ACADSB: variants seen among roughly 807,000 people sequenced by gnomAD.
The protein encoded by ACADSB is acyl-CoA dehydrogenase short/branched chain, also known as short/branched chain specific acyl-CoA dehydrogenase, mitochondrial.
A neutral mutation model predicts 54.1 loss-of-function variants in ACADSB; 40 were observed. The observed-to-expected ratio is 0.74, with a 90% CI of 0.57 to 0.96. The LOEUF is 0.96. ACADSB is among the 40% of genes least tolerant of loss of function. The pLI, the probability that ACADSB is intolerant of heterozygous loss-of-function variation, is 0.00. For synonymous variants in ACADSB, 182 were observed against 182.8 expected (o/e 1.00, Z 0.03); for missense variants, 530 against 510.4 (o/e 1.04, Z -0.37).
intron 5 of ACADSB, among the ~76,000 whole-genome samples, chr10:123,042,027 G>A (rs1850482303): frequency 6.8e-6 from 1 of 146,126 alleles, no homozygotes; most frequent in Non-Finnish European, 1.5e-5. Flanking sequence ...GTGCAGTGGT[G>A]TGATCTCACC....
chr10:123,020,612 C>G (rs1850171937), intron 1 of ACADSB, among the ~76,000 whole-genome samples: 1 of 152,190 alleles, frequency 6.6e-6, no homozygotes, highest in East Asian at 1.9e-4. Flanking sequence ...AAGAGTACAA[C>G]TGCTGGGTCA....
chr10:123,029,360 G>GA (rs545734756), intron 1 of ACADSB, among the ~76,000 whole-genome samples: 204 of 134,450 alleles, frequency 1.5e-3, no homozygotes, highest in East Asian at 3.4e-3. Flanking sequence ...AAAAAGAGAA[G>GA]AAAAAAAAAA....
chr10:123,029,027 G>T (rs1850290319), intron 1 of ACADSB, among the ~76,000 whole-genome samples: 1 of 151,938 alleles, frequency 6.6e-6, no homozygotes, highest in Non-Finnish European at 1.5e-5. Context: ...TTAGTCAAGT[G>T]AAGCAATATT....
intron 1 of ACADSB, among the ~76,000 whole-genome samples, chr10:123,020,820 T>A (rs1564746958): frequency 6.6e-6 from 1 of 152,330 alleles, no homozygotes; most frequent in East Asian, 1.9e-4. Context: ...CTGACCAACA[T>A]GGTGAAACCC....
rs896962143 is a variant in ACADSB at position 123,027,453 on chromosome 10, A to G, written c.43-6903A>G. On this transcript the variant is annotated intron_variant, in intron 1 of 10. Coordinates refer to ENST00000358776, the MANE Select transcript of ACADSB (RefSeq NM_001609.4). ...CAGTATTTCCCGTGCTATTCTTGTG[A>G]TAATGAATAAGTCTCATGAGATCTG... 1.6e-5 allele frequency: 7 copies of G among 438,690 alleles called. No homozygotes were observed. In the East Asian group the frequency reaches 5.1e-4, roughly 32 times the overall value. 27.2% of individuals were successfully genotyped at this position (438,690 alleles called of 1,614,324 possible).
intron 2 of ACADSB, among the ~76,000 whole-genome samples, chr10:123,036,414 G>A (rs1403618376): frequency 1.3e-5 from 2 of 152,178 alleles, no homozygotes; most frequent in Non-Finnish European, 1.5e-5. Flanking sequence ...TTGCTCCCTC[G>A]CCTTTTAGAT....
Position 123,009,086 on chromosome 10 carries a change from G to A in ACADSB, c.42+15G>A. ...GCAGCAGGCTGGTGAGTGCGTTCGAGGCTGGCGTCCTGGGGGCCCAGGGCG... is the reference window on the plus strand; with the variant it reads ...GCAGCAGGCTGGTGAGTGCGTTCGAAGCTGGCGTCCTGGGGGCCCAGGGCG... On this transcript the variant is annotated intron_variant, in intron 1 of 10. Transcript: ENST00000358776. 1 of 1,544,994 alleles carries A rather than the reference G, an allele frequency of 6.5e-7. No homozygotes were observed. Among genetic ancestry groups the A allele is most frequent in the African/African-American group, 1.4e-5 (1 of 73,152 alleles).
intron 1 of ACADSB, among the ~76,000 whole-genome samples, chr10:123,018,584 A>G (rs9423313): frequency 0.57 from 86,856 of 151,906 alleles, 26,326 homozygotes; most frequent in Non-Finnish European, 0.69. Flanking sequence ...TTGGGGATAT[A>G]AAATTGGGAT....
At position 123,053,695 on chromosome 10, in the gene ACADSB, G is replaced by A. The variant is rs918891237; in HGVS notation, c.1229G>A (p.Gly410Asp). ...TTCCTTCTGCTTCCTTTTGCTTAAG[G>A]TACGATATATGAAGGAGCTTCCAAC... The part of the protein sequence containing the change: ...VEKYFRDAKI[G>D]TIYEGASNIQ... Residue 410 changes from glycine to aspartate, a missense_variant and splice_region_variant, in exon 11 of 11, where the codon GGT (glycine) becomes GAT (aspartate). Gly to Asp is a moderately conservative substitution (Grantham distance 94). Coordinates refer to ENST00000358776, the MANE Select transcript of ACADSB (RefSeq NM_001609.4). 4.3e-6 allele frequency: 7 copies of A among 1,613,256 alleles called. No homozygotes were observed. Among genetic ancestry groups the A allele is most frequent in the Non-Finnish European group, 5.9e-6 (7 of 1,179,222 alleles).
intron 1 of ACADSB, among the ~76,000 whole-genome samples, chr10:123,020,502 T>G (rs1850170068): frequency 1.3e-5 from 2 of 152,260 alleles, no homozygotes; most frequent in Admixed American, 1.3e-4. Flanking sequence ...GAAGGACATC[T>G]GGATTGTTTC....
In ACADSB at chr10:123,056,271, C is replaced by T. The variant is rs935669282; in HGVS notation, c.*2506C>T. The T allele has an allele frequency of 3.0e-4, 65 of 219,498 alleles. 1 individual carries two copies. Among genetic ancestry groups the T allele is most frequent in the Admixed American group, 1.6e-4 (3 of 18,318 alleles). 13.6% of individuals were successfully genotyped at this position (219,498 alleles called of 1,614,324 possible). Reference sequence around the variant, plus strand: ...AATTGGACTTACAGTTCCACATGGCCGGGGAGGCCTCAGAATCATGGCGGG... The same window carrying T: ...AATTGGACTTACAGTTCCACATGGCTGGGGAGGCCTCAGAATCATGGCGGG... On this transcript the variant is annotated 3_prime_UTR_variant, in exon 11 of 11. Transcript: ENST00000358776.
intron 1 of ACADSB, among the ~76,000 whole-genome samples, chr10:123,033,329 C>A (rs1332497562): frequency 6.6e-6 from 1 of 152,202 alleles, no homozygotes; most frequent in African/African-American, 2.4e-5. Context: ...GACCAACATG[C>A]AGCAAAGATT....
intron 5 of ACADSB, among the ~76,000 whole-genome samples, chr10:123,041,589 C>G (rs1850474811): frequency 6.6e-6 from 1 of 151,978 alleles, no homozygotes; most frequent in Non-Finnish European, 1.5e-5. Flanking sequence ...AGAATTGGCC[C>G]ACCATATCTG....
intron 1 of ACADSB, among the ~76,000 whole-genome samples, chr10:123,030,487 A>G (rs1259088987): frequency 6.8e-6 from 1 of 147,480 alleles, no homozygotes; most frequent in Non-Finnish European, 1.5e-5. Context: ...AGATCGTACC[A>G]TTGCACTCCA....
Position 123,047,265 on chromosome 10 carries a change from G to T in ACADSB, c.957G>T (p.Arg319Ser). The T allele has an allele frequency of 1.2e-6, 2 of 1,608,470 alleles. No individual in the cohort carries two copies. Among genetic ancestry groups the T allele is most frequent in the South Asian group, 2.2e-5 (2 of 90,988 alleles). ...FDYTIPYIKE[R>S]IQFGKRLFDF... ...ACACTATTCCATATATTAAAGAAAG[G>T]ATACAATTTGGCAAAAGACTATTTG... The change falls in exon 8 of 11, where the codon AGG (arginine) becomes AGT (serine). Residue 319 changes from arginine (R) to serine (S), a missense_variant. Coordinates refer to ENST00000358776, the MANE Select transcript of ACADSB (RefSeq NM_001609.4).
At chr10:123,035,577 G>T (rs888196282) in intron 2 of ACADSB, among the ~76,000 whole-genome samples, 1 of 152,194 alleles carries the variant, frequency 6.6e-6, no homozygotes, top group Non-Finnish European at 1.5e-5. Context: ...CTGTAGGCCA[G>T]AAGTCCAGCT....
chr10:123,024,518 G>A (rs140455493), intron 1 of ACADSB, among the ~76,000 whole-genome samples: 59 of 152,372 alleles, frequency 3.9e-4, no homozygotes, highest in Admixed American at 1.5e-3. Context: ...CCCCTGGATG[G>A]AGCAGAAAGG....
intron 1 of ACADSB, among the ~76,000 whole-genome samples, chr10:123,013,426 C>G (rs760711312): frequency 2.0e-5 from 3 of 152,266 alleles, no homozygotes; most frequent in Non-Finnish European, 2.9e-5. Flanking sequence ...GACTCAGGAG[C>G]CCAGCTGGCC....
intron 8 of ACADSB, 70 bp from the exon 9 acceptor site, chr10:123,050,979 C>A (rs1490809394): frequency 1.3e-6 from 2 of 1,543,140 alleles, no homozygotes; most frequent in South Asian, 1.2e-5. Flanking sequence ...TGTATCTAGG[C>A]AGGACTTTGA....
Sources: allele counts gnomAD v4.1 joint callset (sites outside exome capture counted in the v4.1 genomes callset), GRCh38; gene constraint gnomAD v4.1.1; transcripts MANE v1.5; gene names NCBI Gene and HGNC (gene_info 2026-07-23, HGNC 2026-07-21).